The following FGF13 variants were observed in gnomAD, a reference collection of about 807,000 sequenced individuals.
FGF13 encodes the protein fibroblast growth factor homologous factor 2.
In FGF13, 2 loss-of-function variants were observed where a neutral mutation model predicts 19.5. The observed-to-expected ratio is 0.10, with a 90% confidence interval of 0.04 to 0.32. FGF13 has a LOEUF of 0.32. FGF13 is among the 10% of genes least tolerant of loss of function. FGF13 has a pLI of 1.00. For synonymous variants in FGF13, 72 were observed against 76.9 expected (o/e 0.94, Z 0.33); for missense variants, 113 against 192.7 (o/e 0.59, Z 2.45).
intron 1 of FGF13, among the ~76,000 whole-genome samples, chrX:139,029,510 G>C: frequency 8.9e-6 from 1 of 112,131 alleles, no homozygotes; most frequent in Non-Finnish European, 1.9e-5. Flanking sequence ...GTCAGAAAAT[G>C]TATAAGCATC....
chrX:139,044,678 C>G (rs2092281238), intron 1 of FGF13, among the ~76,000 whole-genome samples: 1 of 111,139 alleles, frequency 9.0e-6, no homozygotes, highest in Non-Finnish European at 1.9e-5. Context: ...GGCTATGTGT[C>G]CTATGCAAGT....
chrX:138,747,504 TAAATC>T (rs1484246068), intron 3 of FGF13, among the ~76,000 whole-genome samples: 1 of 111,914 alleles, frequency 8.9e-6, no homozygotes, highest in East Asian at 2.8e-4. Context: ...CTACGGTAAA[TAAATC>T]TATTTTATGT....
At chrX:139,136,128 C>T (rs1482655059) in intron 1 of FGF13, among the ~76,000 whole-genome samples, 1 of 112,031 alleles carries the variant, frequency 8.9e-6, no homozygotes, top group African/African-American at 3.2e-5. Context: ...TCTGCACTAA[C>T]ATCACTCATT....
chrX:139,091,422 C>T (rs141599769), intron 1 of FGF13, among the ~76,000 whole-genome samples: 2,022 of 111,569 alleles, frequency 0.018, 29 homozygotes, highest in Non-Finnish European at 0.028. Flanking sequence ...AAAGTATTTG[C>T]AAGCTTTGGA....
intron 1 of FGF13, among the ~76,000 whole-genome samples, chrX:139,132,241 T>C (rs1316176202): frequency 8.9e-6 from 1 of 112,051 alleles, no homozygotes; most frequent in Non-Finnish European, 1.9e-5. Flanking sequence ...GCTTAATTCA[T>C]TATATTTGGC....
intron 3 of FGF13, among the ~76,000 whole-genome samples, chrX:138,763,399 T>C (rs773846558): frequency 1.8e-5 from 2 of 111,656 alleles, no homozygotes; most frequent in South Asian, 3.7e-4. Context: ...TGGGGACCGA[T>C]AGAGAACACA....
chrX:138,876,026 A>G (rs2124172584), intron 1 of FGF13, among the ~76,000 whole-genome samples: 1 of 110,035 alleles, frequency 9.1e-6, no homozygotes, highest in African/African-American at 3.4e-5. Flanking sequence ...ACACACACAC[A>G]CACACACTTT....
chrX:139,044,124 A>G (rs1435477913), intron 1 of FGF13, among the ~76,000 whole-genome samples: 3 of 112,117 alleles, frequency 2.7e-5, no homozygotes, highest in Non-Finnish European at 5.6e-5. Flanking sequence ...TAAAAGGTAA[A>G]TTTTATGTTG....
At chrX:139,077,215 A>G (rs2083338334) in intron 1 of FGF13, among the ~76,000 whole-genome samples, 1 of 111,836 alleles carries the variant, frequency 8.9e-6, no homozygotes, top group Non-Finnish European at 1.9e-5. Context: ...ACCCCTTGGT[A>G]GCATTCAATA....
At chrX:139,030,426 G>A (rs1054966887) in intron 1 of FGF13, among the ~76,000 whole-genome samples, 1 of 111,402 alleles carries the variant, frequency 9.0e-6, no homozygotes, top group Non-Finnish European at 1.9e-5. Context: ...GCCTGCAAAC[G>A]ATGTGTAATT....
At chrX:138,651,745 C>T (rs1275745239) in intron 3 of FGF13, among the ~76,000 whole-genome samples, 1 of 111,449 alleles carries the variant, frequency 9.0e-6, no homozygotes, top group African/African-American at 3.3e-5. Context: ...CTTGCCAATT[C>T]CATTCTGACC....
chrX:138,616,823 C>T lies in FGF13; in HGVS notation c.*16027G>A, dbSNP rs957930123. The T allele has an allele frequency of 9.8e-5, 11 of 112,283 alleles. No individual in the cohort carries two copies. The highest frequency in any genetic ancestry group is 2.8e-4 in the Admixed American group (3 of 10,583). 9.3% of individuals were successfully genotyped at this position (112,283 alleles called of 1,213,427 possible). A position where few individuals can be genotyped will look rare whatever the true frequency, so the allele number is the denominator to read the frequency against. On this transcript the variant is annotated 3_prime_UTR_variant, in exon 5 of 5. Coordinates refer to ENST00000315930, the MANE Select transcript of FGF13 (RefSeq NM_004114.5). ...TTCTGTGCTCCTGCAAGCCCAACAC[C>T]ATGTGTAAGCTGCCAAAGCTTGGGG...
intron 1 of FGF13, among the ~76,000 whole-genome samples, chrX:139,184,235 A>C (rs916578326): frequency 9.8e-5 from 11 of 112,088 alleles, no homozygotes; most frequent in African/African-American, 3.6e-4. Context: ...TGAACTTTTA[A>C]GATTCAAATA....
At chrX:139,137,767 C>T (rs2058709097) in intron 1 of FGF13, among the ~76,000 whole-genome samples, 1 of 112,465 alleles carries the variant, frequency 8.9e-6, no homozygotes, top group South Asian at 3.7e-4. Flanking sequence ...TTCAACAACT[C>T]ATCTAATGAG....
chrX:139,047,876 A>AATCCTTTG (rs938088054), intron 1 of FGF13, among the ~76,000 whole-genome samples: 10 of 111,811 alleles, frequency 8.9e-5, no homozygotes, highest in African/African-American at 3.3e-4. Flanking sequence ...TGCCTATCCA[A>AATCCTTTG]ATCCTTTGTT....
At chrX:138,974,388 G>A (rs974611468) in intron 1 of FGF13, among the ~76,000 whole-genome samples, 2 of 111,405 alleles carry the variant, frequency 1.8e-5, no homozygotes, top group African/African-American at 6.5e-5. Context: ...AAATATAGTG[G>A]AGCTCTCTGG....
intron 1 of FGF13, among the ~76,000 whole-genome samples, chrX:139,115,398 G>T (rs543735206): frequency 8.9e-6 from 1 of 111,978 alleles, no homozygotes; most frequent in East Asian, 2.8e-4. Context: ...GGCTTCCAAG[G>T]ATTGCTCTTC....
intron 3 of FGF13, among the ~76,000 whole-genome samples, chrX:138,775,209 T>C (rs1362721848): frequency 1.8e-5 from 2 of 112,318 alleles, no homozygotes; most frequent in Non-Finnish European, 3.8e-5. Context: ...TCCACCCTTT[T>C]TCTCCTCCCA....
At position 139,106,379 on chromosome X, in the gene FGF13, T is replaced by C. The variant is rs183954593; in HGVS notation, c.-113+97037A>G. 4.1e-3 allele frequency among the ~76,000 whole-genome samples: 468 copies of C among 113,040 alleles called. 3 individuals are homozygous for C. The highest frequency in any genetic ancestry group is 0.014 in the African/African-American group (442 of 31,213). ...TAAAGTTCAGTGTTACTCTTGTCAC[T>C]ATACCTTCTGCATAGTTTTGTTCCA... On this transcript the variant is annotated intron_variant, in intron 1 of 2. Coordinates refer to the FGF13 transcript ENST00000421460.
Sources: gnomAD v4.1 joint callset for allele counts (sites outside exome capture counted in the v4.1 genomes callset) on GRCh38, gnomAD v4.1.1 for gene constraint, MANE v1.5 for transcripts, NCBI Gene and HGNC (gene_info 2026-07-23, HGNC 2026-07-21) for gene names.